IQCM: variants seen among roughly 807,000 people sequenced by gnomAD.
The protein encoded by IQCM is IQ motif containing M.
A neutral mutation model predicts 57.6 loss-of-function variants in IQCM; 45 were observed. That is an observed-to-expected ratio of 0.78 (90% CI 0.62 to 1.00). The LOEUF (loss-of-function observed/expected upper bound fraction) is 1.00. Among genes scored for constraint, IQCM ranks in the 50% least tolerant of loss-of-function variants. The pLI is 0.00. For synonymous variants in IQCM, 148 were observed against 158.9 expected, an observed-to-expected ratio of 0.93 and a Z score of 0.51; for missense variants, 468 against 511.6, an observed-to-expected ratio of 0.91 and a Z score of 0.82.
chr4:149,784,778 C>T (rs991603318), intron 2 of IQCM, among the ~76,000 whole-genome samples: 3 of 152,164 alleles, frequency 2.0e-5, no homozygotes, highest in Non-Finnish European at 4.4e-5. Flanking sequence ...TGTATTGTCT[C>T]ATTAGCACTC....
chr4:149,597,813 C>T (rs1753918778), intron 8 of IQCM, among the ~76,000 whole-genome samples: 1 of 152,050 alleles, frequency 6.6e-6, no homozygotes, highest in Non-Finnish European at 1.5e-5. Context: ...CTGAAAGACA[C>T]TGATTTTCAG....
intron 12 of IQCM, among the ~76,000 whole-genome samples, chr4:149,464,681 C>T (rs188194789): frequency 2.6e-4 from 39 of 152,190 alleles, no homozygotes; most frequent in Middle Eastern, 3.4e-3. Context: ...CTACATTATC[C>T]CTAGGTTCCA....
At chr4:149,733,971 G>A (rs1409356556) in intron 4 of IQCM, among the ~76,000 whole-genome samples, 1 of 151,938 alleles carries the variant, frequency 6.6e-6, no homozygotes, top group Non-Finnish European at 1.5e-5. Context: ...CATACATGGA[G>A]GTAACCTCTC....
chr4:149,680,357 C>T (rs1419875525), intron 7 of IQCM, among the ~76,000 whole-genome samples: 1 of 151,072 alleles, frequency 6.6e-6, no homozygotes, highest in Non-Finnish European at 1.5e-5. Flanking sequence ...AACTGCATAA[C>T]ATTTTGTTTA....
chr4:149,492,262 C>T (rs1396274765), intron 12 of IQCM, among the ~76,000 whole-genome samples: 1 of 151,926 alleles, frequency 6.6e-6, no homozygotes, highest in Non-Finnish European at 1.5e-5. Context: ...AAGTGTTATT[C>T]ATATCAGGAA....
At chr4:149,414,575 C>A (rs565577840) in intron 13 of IQCM, among the ~76,000 whole-genome samples, 1 of 151,982 alleles carries the variant, frequency 6.6e-6, no homozygotes, top group Non-Finnish European at 1.5e-5. Context: ...ATAGTCCTTA[C>A]GATAAAAATT....
chr4:149,454,856 A>ATAG (rs1737514983), intron 12 of IQCM, among the ~76,000 whole-genome samples: 1 of 151,958 alleles, frequency 6.6e-6, no homozygotes, highest in Non-Finnish European at 1.5e-5. Context: ...ATGGGGGTAA[A>ATAG]TAGTAGCAGG....
At chr4:149,469,570 C>T (rs964438856) in intron 12 of IQCM, among the ~76,000 whole-genome samples, 3 of 152,174 alleles carry the variant, frequency 2.0e-5, no homozygotes, top group Admixed American at 1.3e-4. Flanking sequence ...TCCAGGAGAA[C>T]TTCCCCAACC....
At chr4:149,524,045 A>T (rs1399861078) in intron 12 of IQCM, among the ~76,000 whole-genome samples, 14 of 152,134 alleles carry the variant, frequency 9.2e-5, no homozygotes. Context: ...ATGATAGATA[A>T]ATTCAAATAA....
At chr4:149,723,482 G>T (rs967582691) in intron 5 of IQCM, among the ~76,000 whole-genome samples, 5 of 151,708 alleles carry the variant, frequency 3.3e-5, no homozygotes, top group Non-Finnish European at 5.9e-5. Context: ...GTTTGTTGAG[G>T]GTTTTTATTG....
At chr4:149,669,651 G>C (rs1161737221) in intron 7 of IQCM, among the ~76,000 whole-genome samples, 8 of 152,232 alleles carry the variant, frequency 5.3e-5, no homozygotes, top group African/African-American at 1.9e-4. Flanking sequence ...ATTAATTTTT[G>C]TATAAGGTGT....
chr4:149,479,966 A>G (rs1202176836), intron 12 of IQCM, among the ~76,000 whole-genome samples: 1 of 152,214 alleles, frequency 6.6e-6, no homozygotes, highest in African/African-American at 2.4e-5. Context: ...TTAAGTGTGA[A>G]TACACATGTA....
Position 149,477,680 on chromosome 4 carries a change from G to A in IQCM, c.1229-44123C>T, listed in dbSNP as rs181707930. On this transcript the variant is annotated intron_variant, in intron 12 of 13. Coordinates refer to ENST00000636793, the MANE Select transcript of IQCM (RefSeq NM_001363507.2). The stretch of plus-strand genomic sequence containing the variant: ...TGCTTTCAGAATGGGTAGCTAAAGC[G>A]GAACAAAGGATAGGTCACTGTAAAT... 1.2e-4 allele frequency among the ~76,000 whole-genome samples: 18 copies of A among 152,234 alleles called. No homozygotes were observed. In the East Asian group the frequency reaches 1.9e-3, roughly 16 times the overall value.
At chr4:149,746,701 T>C (rs547279381) in intron 2 of IQCM, among the ~76,000 whole-genome samples, 10 of 152,282 alleles carry the variant, frequency 6.6e-5, no homozygotes, top group Non-Finnish European at 1.3e-4. Flanking sequence ...ATTTACAAGG[T>C]AAAATTTTTG....
chr4:149,505,154 TCCC>T (rs1482257854), intron 12 of IQCM, among the ~76,000 whole-genome samples: 1 of 152,062 alleles, frequency 6.6e-6, no homozygotes, highest in African/African-American at 2.4e-5. Flanking sequence ...ATTATTATGC[TCCC>T]ATTATATTAT....
chr4:149,536,247 A>G (rs954857116), intron 12 of IQCM, among the ~76,000 whole-genome samples: 9 of 152,056 alleles, frequency 5.9e-5, no homozygotes, highest in African/African-American at 2.2e-4. Flanking sequence ...TAACAAACTG[A>G]AAACAATAGA....
intron 12 of IQCM, among the ~76,000 whole-genome samples, chr4:149,488,567 G>A (rs966879396): frequency 2.0e-5 from 3 of 151,986 alleles, no homozygotes; most frequent in Non-Finnish European, 4.4e-5. Context: ...CACACTTCAC[G>A]CTGCTGTTTT....
chr4:149,771,783 T>C (rs747694158), intron 2 of IQCM, among the ~76,000 whole-genome samples: 3 of 152,162 alleles, frequency 2.0e-5, no homozygotes, highest in Admixed American at 1.3e-4. Flanking sequence ...ATTCTTGTGC[T>C]GATAATGAAT....
intron 7 of IQCM, among the ~76,000 whole-genome samples, chr4:149,651,663 A>C (rs1759192998): frequency 6.6e-6 from 1 of 152,192 alleles, no homozygotes; most frequent in African/African-American, 2.4e-5. Flanking sequence ...GATATGACTG[A>C]TGAATGACAA....
Sources: gnomAD v4.1 joint callset for allele counts (sites outside exome capture counted in the v4.1 genomes callset) on GRCh38, gnomAD v4.1.1 for gene constraint, MANE v1.5 for transcripts, NCBI Gene and HGNC (gene_info 2026-07-23, HGNC 2026-07-21) for gene names.